The following B3GALT1 variants were observed in gnomAD, a reference collection of about 807,000 sequenced individuals.
B3GALT1 encodes the protein UDP-Gal:betaGlcNAc beta 1,3-galactosyltransferase, polypeptide 1.
In B3GALT1, 10 loss-of-function variants were observed where a neutral mutation model predicts 23.2. The ratio of observed to expected loss-of-function variants is 0.43; its 90% confidence interval spans 0.27 to 0.73. The LOEUF is 0.73. Among genes scored for constraint, B3GALT1 ranks in the 30% least tolerant of loss-of-function variants. B3GALT1 has a pLI of 0.21. For missense variants in B3GALT1, 299 were observed against 405.4 expected (o/e 0.74, Z 2.25); for synonymous variants, 156 against 141.5 (o/e 1.10, Z -0.73).
chr2:167,537,967 C>T (rs901574612), intron 2 of B3GALT1, among the ~76,000 whole-genome samples: 11 of 151,922 alleles, frequency 7.2e-5, no homozygotes, highest in Non-Finnish European at 1.2e-4. Flanking sequence ...AGATTACAGG[C>T]AAGTGCCACC....
At chr2:167,531,776 G>A (rs577301802) in intron 2 of B3GALT1, among the ~76,000 whole-genome samples, 2 of 152,038 alleles carry the variant, frequency 1.3e-5, no homozygotes, top group South Asian at 4.2e-4. Context: ...GACAATATAT[G>A]CCCATTCCTT....
intron 4 of B3GALT1, among the ~76,000 whole-genome samples, chr2:167,833,137 A>C (rs1341688038): frequency 6.6e-6 from 1 of 152,230 alleles, no homozygotes; most frequent in Non-Finnish European, 1.5e-5. Flanking sequence ...TCAACACCTT[A>C]GATAACACAT....
chr2:167,346,624 TAC>T (rs1697224792), intron 1 of B3GALT1, among the ~76,000 whole-genome samples: 3 of 152,182 alleles, frequency 2.0e-5, no homozygotes, highest in Admixed American at 6.5e-5. Context: ...AAAGAAATAT[TAC>T]AGTTATCGTA....
chr2:167,403,268 C>T lies in B3GALT1; in HGVS notation c.-510-86909C>T, dbSNP rs111740512. Among the ~76,000 whole-genome samples the T allele has an allele frequency of 2.0e-4, 4 of 19,730 alleles. 1 individual carries two copies. Among genetic ancestry groups the T allele is most frequent in the East Asian group, 1.5e-3 (1 of 658 alleles). 12.9% of individuals were successfully genotyped at this position (19,730 alleles called of 152,430 possible). On this transcript the variant is annotated intron_variant, in intron 1 of 4. Transcript: ENST00000392690. ...ATTCCCACCTGTGAGTGAGAACTTG[C>T]GGTGTTTGGTTTTTTGTCCTTGCAA... is the stretch of plus-strand genomic sequence containing the variant.
rs987806029 is a variant in B3GALT1 at position 167,552,326 on chromosome 2, G to A, written c.-410+62049G>A. 5.9e-5 allele frequency among the ~76,000 whole-genome samples: 9 copies of A among 152,192 alleles called. No individual in the cohort carries two copies. The East Asian group carries it at 1.5e-3, about 26-fold the overall frequency. On this transcript the variant is annotated intron_variant, in intron 2 of 4. Transcript: ENST00000392690. ...GTAAATAGCAAGCACAGCAGTTTAG[G>A]CAAAGATATTTCATATAAAAATTTA...
intron 4 of B3GALT1, among the ~76,000 whole-genome samples, chr2:167,832,267 T>C (rs930488244): frequency 6.6e-6 from 1 of 152,232 alleles, no homozygotes; most frequent in Non-Finnish European, 1.5e-5. Context: ...GTTTCATTAT[T>C]TCTAAAAGTA....
chr2:167,476,427 C>T (rs1182241526), intron 1 of B3GALT1, among the ~76,000 whole-genome samples: 3 of 152,068 alleles, frequency 2.0e-5, no homozygotes, highest in African/African-American at 7.2e-5. Flanking sequence ...GTTGCAGCCT[C>T]AAGTCACATT....
At chr2:167,683,669 C>T (rs924268031) in intron 3 of B3GALT1, among the ~76,000 whole-genome samples, 9 of 151,930 alleles carry the variant, frequency 5.9e-5, no homozygotes, top group African/African-American at 2.2e-4. Context: ...TGTGGTGAGC[C>T]GTGATTGTGC....
intron 1 of B3GALT1, among the ~76,000 whole-genome samples, chr2:167,350,120 TAA>T (rs994653913): frequency 4.3e-4 from 65 of 152,294 alleles, no homozygotes; most frequent in African/African-American, 1.5e-3. Flanking sequence ...CTTTAATGCT[TAA>T]ATAAAAGGTG....
intron 1 of B3GALT1, among the ~76,000 whole-genome samples, chr2:167,486,728 A>G (rs1409498005): frequency 6.6e-6 from 1 of 152,200 alleles, no homozygotes; most frequent in Non-Finnish European, 1.5e-5. Context: ...AAAATTTAAA[A>G]CAAGTACCAT....
rs572773932 is a variant in B3GALT1 at position 167,872,597 on chromosome 2, A to G, written c.*2577A>G. The G allele has an allele frequency of 6.6e-6, 1 of 152,340 alleles. No individual in the cohort carries two copies. Among genetic ancestry groups the G allele is most frequent in the Admixed American group, 6.5e-5 (1 of 15,302 alleles). 9.4% of individuals were successfully genotyped at this position (152,340 alleles called of 1,614,324 possible). A position where few individuals can be genotyped will look rare whatever the true frequency, so the allele number is the denominator to read the frequency against. ...CATACTATTGCCTTGCATCTACCCCATGCTCAGTCAAACCACCTCTGGTGT... is the reference window on the plus strand; with the variant it reads ...CATACTATTGCCTTGCATCTACCCCGTGCTCAGTCAAACCACCTCTGGTGT... On this transcript the variant is annotated 3_prime_UTR_variant, in exon 5 of 5. Coordinates refer to ENST00000392690, the MANE Select transcript of B3GALT1 (RefSeq NM_020981.4).
In B3GALT1 at chr2:167,601,054, C is replaced by CGTTT. The variant is rs112358987; in HGVS notation, c.-409-45833_-409-45830dup. The stretch of plus-strand genomic sequence containing the variant: ...TTCTGTAAAGAACAACTAGATCCTC[C>CGTTT]GTTTGTTTGTTTGTTTGTTTGTTTG... On this transcript the variant is annotated intron_variant, in intron 2 of 4. Transcript: ENST00000392690. Among the ~76,000 whole-genome samples, 487 of 151,928 alleles carry CGTTT rather than the reference C, an allele frequency of 3.2e-3. 6 individuals are homozygous for CGTTT. In the South Asian group the frequency reaches 0.038, roughly 12 times the overall value.
At chr2:167,315,748 T>C (rs928730163) in intron 1 of B3GALT1, among the ~76,000 whole-genome samples, 5 of 152,206 alleles carry the variant, frequency 3.3e-5, no homozygotes, top group African/African-American at 1.2e-4. Context: ...ACAGTCTTCA[T>C]GTTTACTTCC....
chr2:167,552,514 A>T (rs913393944), intron 2 of B3GALT1, among the ~76,000 whole-genome samples: 4 of 152,172 alleles, frequency 2.6e-5, no homozygotes, highest in African/African-American at 9.7e-5. Context: ...AAAACATTTG[A>T]TATGTTTTTG....
chr2:167,788,121 C>A (rs1382824369), intron 3 of B3GALT1, among the ~76,000 whole-genome samples: 5 of 151,982 alleles, frequency 3.3e-5, no homozygotes, highest in Non-Finnish European at 7.4e-5. Flanking sequence ...ATGCCCCATC[C>A]CTTTCTGACC....
At chr2:167,525,019 A>C (rs1259379675) in intron 2 of B3GALT1, among the ~76,000 whole-genome samples, 1 of 152,246 alleles carries the variant, frequency 6.6e-6, no homozygotes, top group Non-Finnish European at 1.5e-5. Flanking sequence ...TATCATGTGC[A>C]CATGCCATTT....
chr2:167,434,266 A>G (rs1233664580), intron 1 of B3GALT1, among the ~76,000 whole-genome samples: 1 of 152,156 alleles, frequency 6.6e-6, no homozygotes, highest in African/African-American at 2.4e-5. Context: ...ACAGTTGTAG[A>G]AAAGAATAAA....
intron 1 of B3GALT1, among the ~76,000 whole-genome samples, chr2:167,485,822 G>A (rs542719631): frequency 1.3e-5 from 2 of 152,150 alleles, no homozygotes; most frequent in Non-Finnish European, 2.9e-5. Context: ...AGTGCCATTA[G>A]TTAGATTTTA....
At position 167,323,118 on chromosome 2, in the gene B3GALT1, A is replaced by T. The variant is rs58989564; in HGVS notation, c.-511+29784A>T. Among the ~76,000 whole-genome samples, 106 of 151,962 alleles carry T rather than the reference A, an allele frequency of 7.0e-4. 1 individual carries two copies. Among genetic ancestry groups the T allele is most frequent in the Middle Eastern group, 6.8e-3 (2 of 294 alleles). On this transcript the variant is annotated intron_variant, in intron 1 of 4. Transcript: ENST00000392690. ...TTATTATGATTGCTCATTCGTTGCT[A>T]CATAGACAAAAATGTACTTTATATG... is the stretch of plus-strand genomic sequence containing the variant.
Sources: gnomAD v4.1 joint callset for allele counts (sites outside exome capture counted in the v4.1 genomes callset) on GRCh38, gnomAD v4.1.1 for gene constraint, MANE v1.5 for transcripts, NCBI Gene and HGNC (gene_info 2026-07-23, HGNC 2026-07-21) for gene names.